CUEDC1: variants seen among roughly 807,000 people sequenced by gnomAD.
CUEDC1 encodes the protein CUE domain-containing protein 1.
Under a neutral mutation model 43.7 loss-of-function variants are expected in CUEDC1, and 30 were observed. The ratio of observed to expected loss-of-function variants is 0.69; its 90% CI spans 0.51 to 0.93. The LOEUF (loss-of-function observed/expected upper bound fraction) is 0.93, where lower values mean the gene tolerates loss of function less well. Among genes scored for constraint, CUEDC1 ranks in the 40% least tolerant of loss-of-function variants. The pLI, the probability that CUEDC1 is intolerant of heterozygous loss-of-function variation, is 0.00. For synonymous variants in CUEDC1, 223 were observed against 223.6 expected (o/e 1.00, Z 0.02); for missense variants, 486 against 549.0 (o/e 0.89, Z 1.15).
intron 1 of CUEDC1, among the ~76,000 whole-genome samples, chr17:57,910,480 G>C (rs2074571076): frequency 6.6e-6 from 1 of 151,962 alleles, no homozygotes; most frequent in African/African-American, 2.4e-5. Context: ...ATATGCCTAG[G>C]GCGGGGCACA....
chr17:57,940,668 T>C (rs2074909153), intron 1 of CUEDC1, among the ~76,000 whole-genome samples: 1 of 152,240 alleles, frequency 6.6e-6, no homozygotes, highest in African/African-American at 2.4e-5. Flanking sequence ...GCACAGGAAT[T>C]TTTCAGCCTG....
In CUEDC1 at chr17:57,873,001, C is replaced by T. The variant is rs578109130; in HGVS notation, c.592-146G>A. 2.9e-4 allele frequency: 218 copies of T among 756,012 alleles called. 2 individuals carry two copies. The highest frequency in any genetic ancestry group is 2.7e-3 in the South Asian group (145 of 53,574). 46.8% of individuals were successfully genotyped at this position (756,012 alleles called of 1,614,324 possible). Reference sequence around the variant, plus strand: ...CACACCTCCTAATGGAACCTGGTTGCGAGCCAAAATCCAACGGACAGGTCA... The same window carrying T: ...CACACCTCCTAATGGAACCTGGTTGTGAGCCAAAATCCAACGGACAGGTCA... On this transcript the variant is annotated intron_variant, in intron 4 of 10. Coordinates refer to ENST00000577830, the MANE Select transcript of CUEDC1 (RefSeq NM_001271875.2).
At chr17:57,926,297 C>A (rs1357610631) in intron 1 of CUEDC1, among the ~76,000 whole-genome samples, 1 of 152,108 alleles carries the variant, frequency 6.6e-6, no homozygotes, top group African/African-American at 2.4e-5. Flanking sequence ...TGCTGAGACA[C>A]TGGAGAGGAC....
intron 1 of CUEDC1, among the ~76,000 whole-genome samples, chr17:57,934,559 T>TAAAAAA (rs575832390): frequency 1.5e-5 from 1 of 65,336 alleles, no homozygotes; most frequent in Non-Finnish European, 3.1e-5. Context: ...CCTGTCTCTC[T>TAAAAAA]AAAAAAAAAA....
At chr17:57,942,882 G>T (rs1044709595) in intron 1 of CUEDC1, among the ~76,000 whole-genome samples, 7 of 151,862 alleles carry the variant, frequency 4.6e-5, no homozygotes, top group South Asian at 2.1e-4. Flanking sequence ...CAAAAAATTA[G>T]CCAGGCGTGG....
intron 1 of CUEDC1, among the ~76,000 whole-genome samples, chr17:57,924,009 A>T (rs1474729420): frequency 6.6e-6 from 1 of 151,898 alleles, no homozygotes; most frequent in East Asian, 1.9e-4. Context: ...AGGTCTTGTT[A>T]TATTGCCCAG....
At chr17:57,912,542 CTG>C (rs1406558128) in intron 1 of CUEDC1, 1 of 152,124 alleles carries the variant, frequency 6.6e-6, no homozygotes, top group Non-Finnish European at 1.5e-5. Flanking sequence ...GTTGGTTTCT[CTG>C]TGATCTTGGA....
At chr17:57,880,864 G>A (rs1176035738) in intron 2 of CUEDC1, among the ~76,000 whole-genome samples, 1 of 151,058 alleles carries the variant, frequency 6.6e-6, no homozygotes, top group African/African-American at 2.5e-5. Context: ...CCCTGACTGG[G>A]AGATCCCTCA....
intron 1 of CUEDC1, among the ~76,000 whole-genome samples, chr17:57,889,608 T>C (rs1183497358): frequency 1.3e-5 from 2 of 151,926 alleles, no homozygotes; most frequent in African/African-American, 4.8e-5. Flanking sequence ...TAGGAGGGAG[T>C]TGCCCAAGGA....
chr17:57,866,507 C>G lies in CUEDC1; in HGVS notation c.1131G>C (p.Lys377Asn). ...DFRGRRQEAP[K>N]VEEGLREGQ is the part of the protein sequence containing the mutation. ...GTCCTTCTCGCAGGCCTTCCTCCAC[C>G]TTGGGTGCCTCCTGACGCCTGCCCC... Residue 377 changes from lysine (K) to asparagine (N), a missense_variant, in exon 10 of 11, where the codon AAG (lysine) becomes AAC (asparagine). Coordinates refer to ENST00000577830, the MANE Select transcript of CUEDC1 (RefSeq NM_001271875.2). 6.2e-7 allele frequency: 1 copy of G among 1,614,208 alleles called. No individual in the cohort carries two copies. The highest frequency in any genetic ancestry group is 8.5e-7 in the Non-Finnish European group (1 of 1,180,040).
intron 2 of CUEDC1, among the ~76,000 whole-genome samples, chr17:57,881,425 C>T (rs1161034621): frequency 6.6e-6 from 1 of 152,252 alleles, no homozygotes; most frequent in Non-Finnish European, 1.5e-5. Context: ...GTAAGCGCTG[C>T]TCCTGTTCCC....
At chr17:57,870,264 C>T (rs1431999119) in intron 6 of CUEDC1, among the ~76,000 whole-genome samples, 1 of 152,238 alleles carries the variant, frequency 6.6e-6, no homozygotes, top group Non-Finnish European at 1.5e-5. Flanking sequence ...TGTGGCTCAA[C>T]CCAGTAGTCT....
chr17:57,916,763 G>A (rs562080933), intron 1 of CUEDC1, among the ~76,000 whole-genome samples: 3 of 152,306 alleles, frequency 2.0e-5, no homozygotes, highest in Admixed American at 1.3e-4. Flanking sequence ...ACTCCCAGAC[G>A]GAAATCCACA....
At chr17:57,890,275 GGGCACA>G (rs2074341118) in intron 1 of CUEDC1, among the ~76,000 whole-genome samples, 1 of 152,208 alleles carries the variant, frequency 6.6e-6, no homozygotes, top group Non-Finnish European at 1.5e-5. Context: ...TCAGGAGACT[GGGCACA>G]GCCCAGAGGA....
At chr17:57,887,966 T>C (rs1236174840) in intron 1 of CUEDC1, among the ~76,000 whole-genome samples, 1 of 148,528 alleles carries the variant, frequency 6.7e-6, no homozygotes, top group Admixed American at 6.8e-5. Flanking sequence ...AGTGGCGTGA[T>C]CTTGGCTCAC....
intron 1 of CUEDC1, among the ~76,000 whole-genome samples, chr17:57,906,370 T>G (rs943156331): frequency 2.6e-5 from 4 of 152,232 alleles, no homozygotes; most frequent in Non-Finnish European, 5.9e-5. Flanking sequence ...AGTACAAATA[T>G]TGTATAATTC....
chr17:57,866,020 A>G lies in CUEDC1; in HGVS notation c.*3+454T>C, dbSNP rs56772048. On this transcript the variant is annotated intron_variant, in intron 10 of 10. Coordinates refer to ENST00000577830, the MANE Select transcript of CUEDC1 (RefSeq NM_001271875.2). ...GTATTTTTAGCAGAGACAGGGTTTC[A>G]CCATGTTGGCCAGGCTGGTCTCGAA... Among the ~76,000 whole-genome samples, 57 of 151,962 alleles carry G rather than the reference A, an allele frequency of 3.8e-4. 1 individual carries two copies. In the East Asian group the frequency reaches 0.01, roughly 27 times the overall value.
intron 1 of CUEDC1, among the ~76,000 whole-genome samples, chr17:57,950,837 G>A (rs773583963): frequency 7.9e-5 from 12 of 152,096 alleles, no homozygotes; most frequent in Admixed American, 2.0e-4. Context: ...CTTCCTCCAG[G>A]GAACTCTGCC....
intron 1 of CUEDC1, among the ~76,000 whole-genome samples, chr17:57,941,945 C>T (rs962012719): frequency 1.3e-5 from 2 of 152,124 alleles, no homozygotes; most frequent in African/African-American, 4.8e-5. Flanking sequence ...TGTGGAGAAG[C>T]CAGAGTCCGA....
Sources: gnomAD v4.1 joint callset for allele counts (sites outside exome capture counted in the v4.1 genomes callset) on GRCh38, gnomAD v4.1.1 for gene constraint, MANE v1.5 for transcripts, NCBI Gene and HGNC (gene_info 2026-07-23, HGNC 2026-07-21) for gene names.